The following LCK variants were observed in gnomAD, a reference collection of about 807,000 sequenced individuals.
LCK encodes LCK proto-oncogene, Src family tyrosine kinase.
A neutral mutation model predicts 64.6 loss-of-function variants in LCK; 14 were observed. The ratio of observed to expected loss-of-function variants is 0.22; its 90% CI spans 0.14 to 0.34. LCK has a LOEUF of 0.34. Among genes scored for constraint, LCK ranks in the 10% least tolerant of loss-of-function variants. The pLI is 1.00. For synonymous variants in LCK, 277 were observed against 263.6 expected, an observed-to-expected ratio of 1.05 and a Z score of -0.49; for missense variants, 434 against 668.1, an observed-to-expected ratio of 0.65 and a Z score of 3.86.
chr1:32,269,077 C>A (rs1185960620), intron 1 of LCK, among the ~76,000 whole-genome samples: 4 of 149,050 alleles, frequency 2.7e-5, no homozygotes, highest in African/African-American at 9.9e-5. Flanking sequence ...CAGATCACAC[C>A]ACTGCACTCC....
intron 1 of LCK, among the ~76,000 whole-genome samples, chr1:32,253,669 T>A (rs997108548): frequency 8.5e-5 from 13 of 152,184 alleles, no homozygotes; most frequent in African/African-American, 3.1e-4. Context: ...ACCCAAATTA[T>A]GCCCACTCAG....
In LCK at chr1:32,275,983, G is replaced by A. The variant is rs777578035; in HGVS notation, c.551G>A (p.Arg184His). The A allele has an allele frequency of 5.6e-6, 9 of 1,614,036 alleles. No homozygotes were observed. The highest frequency in any genetic ancestry group is 5.0e-5 in the Admixed American group (3 of 59,990). Residue 184 changes from arginine (R) to histidine (H), a missense_variant, in exon 7 of 13, where the codon CGT (arginine) becomes CAT (histidine). Arg to His is a conservative substitution (Grantham distance 29). This residue lies in a region of LCK where 233 missense variants were observed against 291.2 expected (regional missense o/e 0.80). Coordinates refer to ENST00000336890, the MANE Select transcript of LCK (RefSeq NM_005356.5). This position sits in a 1 kb window ranked among gnomAD's most constrained non-coding sequence, Gnocchi z 6.9. ...GAGGTGGTGAAACATTACAAGATCC[G>A]TAATCTGGACAACGGTGGCTTCTAC... Reference protein sequence around the residue: ...QGEVVKHYKIRNLDNGGFYIS... With the variant: ...QGEVVKHYKIHNLDNGGFYIS...
intron 1 of LCK, among the ~76,000 whole-genome samples, chr1:32,263,045 CTCAG>C (rs1196966091): frequency 6.6e-6 from 1 of 151,988 alleles, no homozygotes; most frequent in Non-Finnish European, 1.5e-5. Context: ...ATGTAATGTT[CTCAG>C]TCAAACTTAA....
chr1:32,264,758 G>A (rs540972850), intron 1 of LCK, among the ~76,000 whole-genome samples: 1 of 152,048 alleles, frequency 6.6e-6, no homozygotes, highest in East Asian at 1.9e-4. Context: ...TTATTTTCAA[G>A]TTAAAAAAAT....
intron 12 of LCK, 74 bp downstream of exon 12, chr1:32,280,284 G>C: frequency 6.3e-7 from 1 of 1,583,400 alleles, no homozygotes; most frequent in Non-Finnish European, 8.6e-7. Context: ...ATTCTTTCCA[G>C]TCTCAGAATC....
intron 12 of LCK, among the ~76,000 whole-genome samples, chr1:32,282,336 C>A (rs948924354): frequency 2.6e-5 from 4 of 152,262 alleles, no homozygotes; most frequent in African/African-American, 9.6e-5. Context: ...GTCAGGGAGA[C>A]AATGGGGAGA....
Position 32,279,945 on chromosome 1 carries a change from C to A in LCK, c.1146C>A (p.Asp382Glu). 6.2e-7 allele frequency: 1 copy of A among 1,614,194 alleles called. No individual in the cohort carries two copies. The highest frequency in any genetic ancestry group is 8.5e-7 in the Non-Finnish European group (1 of 1,180,042). ...ACACCCTGAGCTGCAAGATTGCAGA[C>A]TTTGGCCTAGCACGCCTCATTGAGG... ...VSDTLSCKIA[D>E]FGLARLIEDN... Residue 382 changes from aspartate (D) to glutamate (E), a missense_variant, in exon 11 of 13, where the codon GAC becomes GAA. Asp to Glu is a conservative substitution (Grantham distance 45). Around this residue, in one of 2 missense-constraint regions of LCK, gnomAD observed 201 missense variants for 376.9 expected, o/e 0.53. Transcript: ENST00000336890.
Position 32,275,630 on chromosome 1 carries a change from A to C in LCK, c.439A>C (p.Thr147Pro). Residue 147 changes from threonine to proline, a missense_variant, in exon 6 of 13, where the codon ACT becomes CCT. By Grantham distance (38) the Thr-to-Pro change is conservative. Transcript: ENST00000336890. This position sits in a 1 kb window ranked among gnomAD's most constrained non-coding sequence, Gnocchi z 6.9. ...GCGGCAGCTCCTGGCGCCCGGGAAC[A>C]CTCACGGCTCCTTCCTCATCCGGGA... Reference protein sequence around the residue: ...AERQLLAPGNTHGSFLIRESE... With the variant: ...AERQLLAPGNPHGSFLIRESE... The C allele has an allele frequency of 6.4e-7, 1 of 1,572,582 alleles. No individual in the cohort carries two copies. The highest frequency in any genetic ancestry group is 8.6e-7 in the Non-Finnish European group (1 of 1,159,564).
chr1:32,275,484 G>A lies in LCK; in HGVS notation c.377+65G>A. 6.3e-7 allele frequency: 1 copy of A among 1,577,880 alleles called. No homozygotes were observed. Among genetic ancestry groups the A allele is most frequent in the South Asian group, 1.1e-5 (1 of 88,810 alleles). On this transcript the variant is annotated intron_variant, in intron 5 of 12. Coordinates refer to ENST00000336890, the MANE Select transcript of LCK (RefSeq NM_005356.5). The surrounding 1 kb of genome is among the most constrained non-coding windows in gnomAD (Gnocchi z 6.9). ...CTAGGGATCCTGGAGCAGGGAGTAG[G>A]CCTGGGGTGGCGGTGAAGGCTTGAG... is the stretch of plus-strand genomic sequence containing the variant.
intron 9 of LCK, among the ~76,000 whole-genome samples, chr1:32,279,239 G>A (rs564477093): frequency 2.0e-5 from 3 of 152,138 alleles, no homozygotes; most frequent in Non-Finnish European, 2.9e-5. Flanking sequence ...GCAGGGCCAC[G>A]AAAGAAAAGT....
intron 1 of LCK, among the ~76,000 whole-genome samples, chr1:32,264,643 A>G (rs761357511): frequency 9.9e-5 from 15 of 152,082 alleles, no homozygotes; most frequent in Non-Finnish European, 2.1e-4. Context: ...TGTGAAGACA[A>G]AGTGTCTTTT....
chr1:32,252,474 A>T (rs1174208503), intron 1 of LCK, among the ~76,000 whole-genome samples: 2 of 152,130 alleles, frequency 1.3e-5, no homozygotes, highest in African/African-American at 4.8e-5. Flanking sequence ...GTTTTTCTTG[A>T]CACACACTTT....
intron 1 of LCK, among the ~76,000 whole-genome samples, chr1:32,263,756 C>A (rs1272930394): frequency 1.3e-5 from 2 of 152,132 alleles, no homozygotes; most frequent in Admixed American, 1.3e-4. Context: ...ACAAAAAACA[C>A]AAAAATTAGT....
intron 1 of LCK, among the ~76,000 whole-genome samples, chr1:32,256,125 A>T (rs562096433): frequency 1.6e-4 from 25 of 151,876 alleles, no homozygotes; most frequent in Non-Finnish European, 3.4e-4. Context: ...TAATAACAAT[A>T]CAATTTATTT....
intron 1 of LCK, among the ~76,000 whole-genome samples, chr1:32,264,836 G>C (rs552602668): frequency 6.6e-6 from 1 of 151,992 alleles, no homozygotes; most frequent in Non-Finnish European, 1.5e-5. Flanking sequence ...GGGCTCAATC[G>C]ATCCTCTCTC....
intron 1 of LCK, among the ~76,000 whole-genome samples, chr1:32,255,722 G>C (rs1373162606): frequency 6.6e-6 from 1 of 152,134 alleles, no homozygotes; most frequent in African/African-American, 2.4e-5. Context: ...CAAATGCATG[G>C]GACGCTCTCT....
At position 32,280,443 on chromosome 1, in the gene LCK, C is replaced by CTTTTTTTT. The variant is rs770430504; in HGVS notation, c.1327+256_1327+263dup. Among the ~76,000 whole-genome samples the CTTTTTTTT allele has an allele frequency of 1.3e-3, 111 of 84,762 alleles. 3 individuals carry two copies. The highest frequency in any genetic ancestry group is 3.4e-3 in the East Asian group (10 of 2,968). 55.6% of individuals were successfully genotyped at this position (84,762 alleles called of 152,430 possible). ...TTTCTTTTTCTCTTTTTTTCTTTTT[C>CTTTTTTTT]TTTTTTTTTTTTTTTTTTTTTTTTT... On this transcript the variant is annotated intron_variant, in intron 12 of 12. Coordinates refer to ENST00000336890, the MANE Select transcript of LCK (RefSeq NM_005356.5).
chr1:32,263,938 C>T (rs1472500339), intron 1 of LCK, among the ~76,000 whole-genome samples: 1 of 151,806 alleles, frequency 6.6e-6, no homozygotes. Flanking sequence ...AGAAGAAGAC[C>T]GGAAGGATGG....
chr1:32,265,528 C>A (rs1363168594), intron 1 of LCK, among the ~76,000 whole-genome samples: 1 of 152,252 alleles, frequency 6.6e-6, no homozygotes, highest in Non-Finnish European at 1.5e-5. Context: ...AGATACCCTG[C>A]AAAGCTAGAG....
Sources: allele counts gnomAD v4.1 joint callset (sites outside exome capture counted in the v4.1 genomes callset), GRCh38; gene constraint gnomAD v4.1.1; regional missense constraint gnomAD v4.1.1; non-coding constraint Gnocchi (gnomAD v3.1); transcripts MANE v1.5; gene names NCBI Gene and HGNC (gene_info 2026-07-23, HGNC 2026-07-21).